The following ATP8B1 variants were observed in gnomAD, a reference collection of about 807,000 sequenced individuals.
The protein encoded by ATP8B1 is phospholipid-transporting ATPase IC.
In ATP8B1, 80 loss-of-function variants were observed where a neutral mutation model predicts 149.9. That is an observed-to-expected ratio of 0.53 (90% CI 0.45 to 0.64). ATP8B1 has a LOEUF of 0.64. Ranked by LOEUF, ATP8B1 falls within the 30% of genes least tolerant of loss-of-function variation. The pLI, the probability that ATP8B1 is intolerant of heterozygous loss-of-function variation, is 0.00. For synonymous variants in ATP8B1, 536 were observed against 562.8 expected (o/e 0.95, Z 0.67); for missense variants, 1,247 against 1,552.6 (o/e 0.80, Z 3.31).
chr18:57,742,026 C>T (rs1391412350), intron 1 of ATP8B1, among the ~76,000 whole-genome samples: 1 of 152,148 alleles, frequency 6.6e-6, no homozygotes, highest in Non-Finnish European at 1.5e-5. Context: ...CATGCCACCA[C>T]ACCTGGCTAA....
In ATP8B1 at chr18:57,651,764, T is replaced by C. The variant is rs151251775; in HGVS notation, c.3400+270A>G. On this transcript the variant is annotated intron_variant, in intron 26 of 27. Coordinates refer to ENST00000648908, the MANE Select transcript of ATP8B1 (RefSeq NM_001374385.1). ...CTCCCACTTCAGCCTCTCCAGTAGC[T>C]AGAACTACAGGCATGTGCCACCATG... Among the ~76,000 whole-genome samples, 351 of 152,046 alleles carry C rather than the reference T, an allele frequency of 2.3e-3. 2 individuals carry two copies. Among genetic ancestry groups the C allele is most frequent in the African/African-American group, 8.2e-3 (341 of 41,494 alleles).
rs1912755586 is a variant in ATP8B1 at position 57,695,330 on chromosome 18, C to G, written c.782-1G>C. ...TTGGGTTCTTCACATTCAATAAAAC[C>G]TTTTAAAAATATAAGATTCACATAA... On this transcript the variant is annotated splice_acceptor_variant, in intron 9 of 27. Transcript: ENST00000648908. LOFTEE classifies it high-confidence loss of function. 6.3e-7 allele frequency: 1 copy of G among 1,597,872 alleles called. No homozygotes were observed. Among genetic ancestry groups the G allele is most frequent in the Non-Finnish European group, 8.6e-7 (1 of 1,165,736 alleles).
At chr18:57,683,960 T>A in intron 15 of ATP8B1, 76 bp downstream of exon 15, 1 of 1,550,638 alleles carries the variant, frequency 6.4e-7, no homozygotes, top group Non-Finnish European at 8.9e-7. Context: ...TTGACATGCA[T>A]TTGAGCCATA....
At position 57,705,964 on chromosome 18, in the gene ATP8B1, C is replaced by T. The variant is rs1416680738; in HGVS notation, c.279+526G>A. On this transcript the variant is annotated intron_variant, in intron 3 of 27. Transcript: ENST00000648908. ...GAAACCTCTGCCTCCTGGGCTCAAG[C>T]GATTCTCTTGGCTCAGCCTCCCAAG... 7.2e-5 allele frequency among the ~76,000 whole-genome samples: 11 copies of T among 152,154 alleles called. No individual in the cohort carries two copies. The East Asian group carries it at 1.2e-3, about 16-fold the overall frequency.
chr18:57,691,195 G>C (rs373429970), intron 12 of ATP8B1, among the ~76,000 whole-genome samples: 2 of 146,808 alleles, frequency 1.4e-5, no homozygotes, highest in East Asian at 2.0e-4. Context: ...AAAAAAAAAA[G>C]TAAAAGTAAA....
chr18:57,788,446 T>G (rs1189012010), intron 1 of ATP8B1, among the ~76,000 whole-genome samples: 3 of 151,842 alleles, frequency 2.0e-5, no homozygotes, highest in Non-Finnish European at 4.4e-5. Flanking sequence ...TCCCAGCTAC[T>G]TGGGAGGCTG....
intron 15 of ATP8B1, among the ~76,000 whole-genome samples, chr18:57,682,961 G>A (rs1213133253): frequency 3.3e-5 from 5 of 152,006 alleles, no homozygotes; most frequent in Admixed American, 2.6e-4. Context: ...CTGAGTAGCT[G>A]GGACTACAGG....
intron 1 of ATP8B1, among the ~76,000 whole-genome samples, chr18:57,770,800 G>C (rs1371702809): frequency 2.6e-5 from 4 of 152,258 alleles, no homozygotes; most frequent in South Asian, 4.1e-4. Context: ...GTTAAGGACA[G>C]AACAGCAAAG....
chr18:57,663,730 T>G (rs1191489384), intron 20 of ATP8B1, among the ~76,000 whole-genome samples: 1 of 151,846 alleles, frequency 6.6e-6, no homozygotes, highest in African/African-American at 2.4e-5. Context: ...ATGTCCTCTT[T>G]GGAAAAATGT....
chr18:57,707,976 G>T (rs1329394129), intron 2 of ATP8B1, among the ~76,000 whole-genome samples: 3 of 149,494 alleles, frequency 2.0e-5, no homozygotes, highest in African/African-American at 7.4e-5. Context: ...GGCCAACATG[G>T]TGAAACCCCG....
Position 57,731,799 on chromosome 18 carries a change from T to C in ATP8B1, c.9A>G (p.Thr3=), listed in dbSNP as rs369543707. 3.1e-6 allele frequency: 5 copies of C among 1,614,102 alleles called. No homozygotes were observed. Among genetic ancestry groups the C allele is most frequent in the Middle Eastern group, 1.6e-4 (1 of 6,062 alleles). ...CAAATGTCGTTTCTGAGTCTCTTTC[T>C]GTACTCATTCTGCTGGCAAATTGGA... is the stretch of plus-strand genomic sequence containing the variant. The part of the protein sequence containing the change: MS[T]ERDSETTFDE... The change falls in exon 2 of 28, where the codon ACA becomes ACG. Residue 3 remains threonine, a synonymous_variant. Transcript: ENST00000648908.
intron 1 of ATP8B1, among the ~76,000 whole-genome samples, chr18:57,776,270 G>C (rs945931565): frequency 1.3e-5 from 2 of 152,230 alleles, no homozygotes; most frequent in East Asian, 3.8e-4. Context: ...ACGACCCTTT[G>C]CCTCCACTGT....
rs777089900 is a variant in ATP8B1, at chr18:57,650,418, G to A, written c.3480C>T (p.Val1160=). Residue 1160 remains valine, a synonymous_variant, in exon 27 of 28, where the codon GTC becomes GTT. Coordinates refer to ENST00000648908, the MANE Select transcript of ATP8B1 (RefSeq NM_001374385.1). ...TCATTGACAGGAATCGAATGGCAAC[G>A]ACGGGTAGTAAGCACACAGCAACAG... ...ILAVAVCLLP[V]VAIRFLSMTI... is the part of the protein sequence containing the mutation. 23 of 1,613,788 alleles carry A rather than the reference G, an allele frequency of 1.4e-5. No individual in the cohort carries two copies. The highest frequency in any genetic ancestry group is 2.2e-5 in the South Asian group (2 of 91,068).
chr18:57,743,771 G>A (rs1003947682), intron 1 of ATP8B1, among the ~76,000 whole-genome samples: 6 of 152,274 alleles, frequency 3.9e-5, no homozygotes, highest in African/African-American at 1.2e-4. Context: ...CTTTATTCCA[G>A]GGAGTTAGAG....
intron 1 of ATP8B1, among the ~76,000 whole-genome samples, chr18:57,754,406 C>A (rs887742831): frequency 6.6e-6 from 1 of 151,020 alleles, no homozygotes; most frequent in Non-Finnish European, 1.5e-5. Flanking sequence ...CCACTGCACT[C>A]CAGCTTGGGT....
chr18:57,707,813 T>G (rs145927649), intron 2 of ATP8B1, among the ~76,000 whole-genome samples: 1,633 of 151,688 alleles, frequency 0.011, 14 homozygotes, highest in South Asian at 0.022. Flanking sequence ...GGCAAAATGA[T>G]GTATTTTCTA....
chr18:57,695,768 G>A (rs1912777550), intron 8 of ATP8B1, among the ~76,000 whole-genome samples: 1 of 152,158 alleles, frequency 6.6e-6, no homozygotes, highest in Non-Finnish European at 1.5e-5. Context: ...TTGTTGTGAA[G>A]GTTAGGACAG....
rs543925164 is a variant in ATP8B1, at chr18:57,701,106, G to A, written c.493-6C>T. ...TTATCCATTTTATGGCGAGCCTTGA[G>A]AAGGAAGATGGGGAAATGCTGTTTT... On this transcript the variant is annotated splice_polypyrimidine_tract_variant and splice_region_variant and intron_variant, in intron 5 of 27. Transcript: ENST00000648908. The A allele has an allele frequency of 1.1e-5, 17 of 1,614,002 alleles. No homozygotes were observed. The highest frequency in any genetic ancestry group is 1.3e-5 in the Non-Finnish European group (15 of 1,179,970).
chr18:57,649,051 C>T (rs868221277), intron 27 of ATP8B1, among the ~76,000 whole-genome samples: 2 of 152,160 alleles, frequency 1.3e-5, no homozygotes, highest in East Asian at 1.9e-4. Flanking sequence ...GCACGCACTG[C>T]CACACCCGTC....
Sources: allele counts gnomAD v4.1 joint callset (sites outside exome capture counted in the v4.1 genomes callset), GRCh38; gene constraint gnomAD v4.1.1; transcripts MANE v1.5; gene names NCBI Gene and HGNC (gene_info 2026-07-23, HGNC 2026-07-21).